IL34: variants seen among roughly 807,000 people sequenced by gnomAD.
IL34 encodes interleukin 34.
In IL34, 17 loss-of-function variants were observed where a neutral mutation model predicts 25.3. The observed-to-expected ratio is 0.67, with a 90% CI of 0.46 to 1.01. IL34 has a LOEUF of 1.01. Ranked by LOEUF, IL34 falls within the 50% of genes least tolerant of loss-of-function variation. IL34 has a pLI of 0.00. For synonymous variants in IL34, 174 were observed against 140.9 expected (o/e 1.23, Z -1.66); for missense variants, 368 against 312.9 (o/e 1.18, Z -1.33).
chr16:70,625,077 C>T (rs2051362300), intron 1 of IL34, among the ~76,000 whole-genome samples: 1 of 151,944 alleles, frequency 6.6e-6, no homozygotes, highest in African/African-American at 2.4e-5. Flanking sequence ...TTCAAAGTGC[C>T]ATTTTTTGGC....
chr16:70,588,874 T>C (rs2050722088), intron 1 of IL34, among the ~76,000 whole-genome samples: 1 of 152,044 alleles, frequency 6.6e-6, no homozygotes, highest in Admixed American at 6.6e-5. Context: ...GAAAGTACAA[T>C]GTTTCTATGG....
chr16:70,611,995 C>A (rs2051098254), intron 1 of IL34, among the ~76,000 whole-genome samples: 1 of 152,194 alleles, frequency 6.6e-6, no homozygotes. Context: ...CACCTCTGCA[C>A]TCCAGCCTGG....
intron 1 of IL34, among the ~76,000 whole-genome samples, chr16:70,599,555 ACGGGGTTT>A (rs1433251384): frequency 6.8e-6 from 1 of 146,616 alleles, no homozygotes; most frequent in East Asian, 2.0e-4. Flanking sequence ...TTTAGTAGAG[ACGGGGTTT>A]CGCCATGTTG....
rs1183915568 is a variant in IL34 at position 70,641,506 on chromosome 16, T to TCC, written c.-400-5041_-400-5040insCC. Among the ~76,000 whole-genome samples the TCC allele has an allele frequency of 9.3e-4, 83 of 89,016 alleles. 1 individual carries two copies. The highest frequency in any genetic ancestry group is 5.1e-3 in the South Asian group (11 of 2,146). 58.4% of individuals were successfully genotyped at this position (89,016 alleles called of 152,430 possible). On this transcript the variant is annotated intron_variant, in intron 1 of 6. Coordinates refer to the IL34 transcript ENST00000429149. ...AAATTAAAAAAATTCTTTCCCTCCC[T>TCC]CTCTCCCTCCCTCCCTTCCTCCCTC... is the stretch of plus-strand genomic sequence containing the variant.
intron 1 of IL34, among the ~76,000 whole-genome samples, chr16:70,582,469 C>T (rs1323204047): frequency 6.6e-6 from 1 of 152,248 alleles, no homozygotes; most frequent in Non-Finnish European, 1.5e-5. Flanking sequence ...GGGCTGGATT[C>T]CGGTCCTGGC....
chr16:70,585,334 C>T (rs933585809), intron 1 of IL34, among the ~76,000 whole-genome samples: 12 of 152,202 alleles, frequency 7.9e-5, no homozygotes, highest in Non-Finnish European at 1.2e-4. Flanking sequence ...AGCGATCCTC[C>T]CGCCTCAGCC....
chr16:70,596,985 A>G (rs1397037645), intron 1 of IL34, among the ~76,000 whole-genome samples: 27 of 152,116 alleles, frequency 1.8e-4, no homozygotes. Context: ...CACCCAGGGT[A>G]TAGGCACGCT....
chr16:70,590,534 G>A (rs1163826674), intron 1 of IL34, among the ~76,000 whole-genome samples: 1 of 152,118 alleles, frequency 6.6e-6, no homozygotes, highest in Non-Finnish European at 1.5e-5. Flanking sequence ...GCTCGGGTCA[G>A]AGGGAGGGGG....
chr16:70,594,040 GT>G (rs2050786882), intron 1 of IL34, among the ~76,000 whole-genome samples: 1 of 152,170 alleles, frequency 6.6e-6, no homozygotes, highest in Non-Finnish European at 1.5e-5. Context: ...ATAGCTTTAA[GT>G]AAGTCTTGAA....
chr16:70,649,111 AG>A (rs985431725), intron 1 of IL34, among the ~76,000 whole-genome samples: 2 of 152,114 alleles, frequency 1.3e-5, no homozygotes, highest in Non-Finnish European at 2.9e-5. Flanking sequence ...CGAGCCCCCA[AG>A]GGGGCTTAGC....
intron 1 of IL34, among the ~76,000 whole-genome samples, chr16:70,632,769 G>T (rs2051548384): frequency 6.6e-6 from 1 of 152,156 alleles, no homozygotes; most frequent in African/African-American, 2.4e-5. Flanking sequence ...TGTCTGATCA[G>T]TGGCCAAGTA....
intron 1 of IL34, among the ~76,000 whole-genome samples, chr16:70,605,926 T>G (rs2050995938): frequency 6.7e-6 from 1 of 150,076 alleles, no homozygotes; most frequent in Non-Finnish European, 1.5e-5. Context: ...CCTGCCTCGG[T>G]ATCCCAAAGT....
chr16:70,585,265 T>G (rs140188913), intron 1 of IL34, among the ~76,000 whole-genome samples: 1 of 152,064 alleles, frequency 6.6e-6, no homozygotes, highest in Non-Finnish European at 1.5e-5. Flanking sequence ...CCTCAAGGAG[T>G]CTTGCTCTGT....
chr16:70,651,054 C>CA (rs534326656), intron 1 of IL34, among the ~76,000 whole-genome samples: 1 of 151,940 alleles, frequency 6.6e-6, no homozygotes, highest in East Asian at 1.9e-4. Context: ...ACTAAAAATA[C>CA]AAAAAAAATT....
At chr16:70,607,566 C>T (rs2051026609) in intron 1 of IL34, among the ~76,000 whole-genome samples, 1 of 152,132 alleles carries the variant, frequency 6.6e-6, no homozygotes. Context: ...ACTGTCTTGT[C>T]TTGATCTTGA....
rs1053484977 is a variant in IL34 at position 70,607,268 on chromosome 16, A to AT, written c.-401+27226dup. 4.6e-5 allele frequency among the ~76,000 whole-genome samples: 7 copies of AT among 151,734 alleles called. 1 individual carries two copies. Among genetic ancestry groups the AT allele is most frequent in the African/African-American group, 1.5e-4 (6 of 41,266 alleles). ...AGGTGCCCACCACCACACCCAGCTA[A>AT]TTTTTTTGTATTTTTTTAGTAGAGA... On this transcript the variant is annotated intron_variant, in intron 1 of 6. Coordinates refer to the IL34 transcript ENST00000429149.
chr16:70,607,286 A>T (rs1321687340), intron 1 of IL34, among the ~76,000 whole-genome samples: 1 of 151,912 alleles, frequency 6.6e-6, no homozygotes, highest in African/African-American at 2.4e-5. Context: ...GTATTTTTTT[A>T]GTAGAGACGG....
rs559376294 is a variant in IL34, at chr16:70,619,202, C to T, written c.-400-27346C>T. Reference sequence around the variant, plus strand: ...GCTTTAATCTTTTTAAAGCGTGCTGCGGGATGGGATATTGGCGTTGAGTGG... The same window carrying T: ...GCTTTAATCTTTTTAAAGCGTGCTGTGGGATGGGATATTGGCGTTGAGTGG... On this transcript the variant is annotated intron_variant, in intron 1 of 6. Coordinates refer to the IL34 transcript ENST00000429149. Among the ~76,000 whole-genome samples, 23 of 152,012 alleles carry T rather than the reference C, an allele frequency of 1.5e-4. No homozygotes were observed. In the East Asian group the frequency reaches 3.3e-3, roughly 22 times the overall value.
chr16:70,631,966 T>C lies in IL34; in HGVS notation c.-400-14582T>C, dbSNP rs111657457. Among the ~76,000 whole-genome samples, 901 of 152,118 alleles carry C rather than the reference T, an allele frequency of 5.9e-3. 8 individuals carry two copies. The highest frequency in any genetic ancestry group is 0.017 in the Middle Eastern group (5 of 292). The stretch of plus-strand genomic sequence containing the variant: ...AATACAAAAAATTAGCTGAGTGTGC[T>C]GTTGTGTACCTGTAATCCCAGCTAC... On this transcript the variant is annotated intron_variant, in intron 1 of 6. Coordinates refer to the IL34 transcript ENST00000429149.
Sources: gnomAD v4.1 joint callset for allele counts (sites outside exome capture counted in the v4.1 genomes callset) on GRCh38, gnomAD v4.1.1 for gene constraint, MANE v1.5 for transcripts, NCBI Gene and HGNC (gene_info 2026-07-23, HGNC 2026-07-21) for gene names.